Variants in SRPRA observed in about 807,000 individuals in gnomAD.
SRPRA encodes the protein signal recognition particle receptor subunit alpha.
In SRPRA, 30 loss-of-function variants were observed where a neutral mutation model predicts 61.1. That is an observed-to-expected ratio of 0.49 (90% CI 0.37 to 0.67). The LOEUF (loss-of-function observed/expected upper bound fraction) is 0.67, where lower values mean the gene tolerates loss of function less well. Among genes scored for constraint, SRPRA ranks in the 30% least tolerant of loss-of-function variants. The probability of loss-of-function intolerance (pLI) is 0.00; values close to 1 mark genes in which losing one functional copy is unlikely to be tolerated. For synonymous variants in SRPRA, 324 were observed against 299.7 expected, an observed-to-expected ratio of 1.08 and a Z score of -0.84; for missense variants, 759 against 828.4, an observed-to-expected ratio of 0.92 and a Z score of 1.03.
downstream of SRPRA, among the ~76,000 whole-genome samples, chr11:126,260,016 GCTTT>G (rs1431341029): frequency 1.3e-5 from 2 of 152,158 alleles, no homozygotes; most frequent in South Asian, 4.1e-4. Flanking sequence ...CACTGTGCCA[GCTTT>G]ATTTTTATTT....
chr11:126,268,213 G>C, intron 1 of SRPRA, 127 bp from the exon 2 acceptor site: 2 of 743,196 alleles, frequency 2.7e-6, no homozygotes, highest in Non-Finnish European at 4.5e-6. Flanking sequence ...CCCAGGACAA[G>C]AGGATGTTGG....
rs757802716 is a variant in SRPRA, at chr11:126,267,367, A to G, written c.366-32T>C. The G allele has an allele frequency of 6.8e-6, 11 of 1,608,864 alleles. No individual in the cohort carries two copies. In the African/African-American group the frequency reaches 1.1e-4, roughly 16 times the overall value. On this transcript the variant is annotated intron_variant, in intron 3 of 13. Coordinates refer to ENST00000332118, the MANE Select transcript of SRPRA (RefSeq NM_003139.4). The surrounding 1 kb of genome is among the most constrained non-coding windows in gnomAD (Gnocchi z 4.2). ...AAAAAGGAGAATGGTTTATCTTTCT[A>G]CCCCATGCAGAAGGAAAAATAACGG...
rs750397261 is a variant in SRPRA, at chr11:126,264,400, T to C, written c.1665A>G (p.Val555=). 1.2e-6 allele frequency: 2 copies of C among 1,614,194 alleles called. No individual in the cohort carries two copies. The highest frequency in any genetic ancestry group is 2.2e-5 in the South Asian group (2 of 91,076). The change falls in exon 12 of 14, where the codon GTA becomes GTG. Residue 555 remains valine (V), a synonymous_variant. Coordinates refer to ENST00000332118, the MANE Select transcript of SRPRA (RefSeq NM_003139.4). This position sits in a 1 kb window ranked among gnomAD's most constrained non-coding sequence, Gnocchi z 5.0. ...CCAGCTGGTCCACGGCTTCATTGCCTACTAAGGCTTCTCCTACAAACAGCA... is the reference window on the plus strand; with the variant it reads ...CCAGCTGGTCCACGGCTTCATTGCCCACTAAGGCTTCTCCTACAAACAGCA... ...DLVLFVGEAL[V]GNEAVDQLVK...
At chr11:126,255,688 T>C in the SRPRA span, among the ~76,000 whole-genome samples, 1 of 152,056 alleles carries the variant, frequency 6.6e-6, no homozygotes, top group African/African-American at 2.4e-5. The surrounding 1 kb of genome is among the most constrained non-coding windows in gnomAD (Gnocchi z 4.6). Flanking sequence ...TCTAAAAAAG[T>C]ACGCCTGTAA....
In SRPRA at chr11:126,263,794, C is replaced by T; in HGVS notation, c.*122G>A. ...AGTGGGGTTGGAAGGAGCCACAAGC[C>T]CCCTCACTCTGCCTTTGTACTACAC... is the stretch of plus-strand genomic sequence containing the variant. On this transcript the variant is annotated 3_prime_UTR_variant, in exon 14 of 14. Coordinates refer to ENST00000332118, the MANE Select transcript of SRPRA (RefSeq NM_003139.4). The T allele has an allele frequency of 7.3e-7, 1 of 1,377,318 alleles. No homozygotes were observed. The allele number at this position is 1,377,318 out of a possible 1,614,324, so 85.3% of individuals were successfully genotyped here. A position where few individuals can be genotyped will look rare whatever the true frequency, so the allele number is the denominator to read the frequency against.
the SRPRA span, among the ~76,000 whole-genome samples, chr11:126,254,846 G>T: frequency 3.3e-5 from 5 of 152,120 alleles, no homozygotes; most frequent in African/African-American, 9.7e-5. Context: ...AAAGAAACTG[G>T]AAAGTCAGAC....
chr11:126,267,113 C>T lies in SRPRA; in HGVS notation c.526+62G>A. On this transcript the variant is annotated intron_variant, in intron 4 of 13. Transcript: ENST00000332118. The surrounding 1 kb of genome is among the most constrained non-coding windows in gnomAD (Gnocchi z 4.2). ...GCAATGACAAAAGGAAGGACCACCT[C>T]AGTCCTTAGCACCGTGTTAACACCT... is the stretch of plus-strand genomic sequence containing the variant. The T allele has an allele frequency of 6.3e-7, 1 of 1,589,226 alleles. No homozygotes were observed. Among genetic ancestry groups the T allele is most frequent in the Non-Finnish European group, 8.6e-7 (1 of 1,163,332 alleles).
downstream of SRPRA, among the ~76,000 whole-genome samples, chr11:126,259,551 G>A (rs1950640616): frequency 1.3e-5 from 2 of 150,920 alleles, no homozygotes; most frequent in Admixed American, 6.6e-5. Flanking sequence ...TCAGCCTCCT[G>A]AGTGGCTGGA....
chr11:126,262,097 TTC>T (rs1565343522), downstream of SRPRA: 6 of 1,613,924 alleles, frequency 3.7e-6, no homozygotes, highest in South Asian at 4.4e-5. Context: ...CTTCATTTTG[TTC>T]TCTTTTCTTT....
chr11:126,261,466 GCA>G, downstream of SRPRA: 1 of 1,613,666 alleles, frequency 6.2e-7, no homozygotes, highest in Non-Finnish European at 8.5e-7. Flanking sequence ...CTCATCTGCA[GCA>G]CACAGTGAAA....
chr11:126,248,592 G>A, the SRPRA span, among the ~76,000 whole-genome samples: 4 of 151,860 alleles, frequency 2.6e-5, no homozygotes, highest in Non-Finnish European at 4.4e-5. Context: ...GGATGGTCTC[G>A]ATCTCTTGAC....
At chr11:126,257,851 A>G in the SRPRA span, among the ~76,000 whole-genome samples, 3 of 152,184 alleles carry the variant, frequency 2.0e-5, no homozygotes, top group African/African-American at 7.2e-5. Context: ...TCCACATTCT[A>G]ACAATAAAGA....
Position 126,265,874 on chromosome 11 carries a change from T to A in SRPRA, c.1052-51A>T, listed in dbSNP as rs1950800238. The A allele has an allele frequency of 2.5e-6, 4 of 1,612,600 alleles. No individual in the cohort carries two copies. The highest frequency in any genetic ancestry group is 3.4e-6 in the Non-Finnish European group (4 of 1,178,678). On this transcript the variant is annotated intron_variant, in intron 8 of 13. Coordinates refer to ENST00000332118, the MANE Select transcript of SRPRA (RefSeq NM_003139.4). The surrounding 1 kb of genome is among the most constrained non-coding windows in gnomAD (Gnocchi z 6.3). ...AGTTCCATGTCAGCAATGACCAATC[T>A]TTATGGTACAGGTGAGAAACGCTAG...
At chr11:126,255,468 T>C in the SRPRA span, among the ~76,000 whole-genome samples, 1 of 152,180 alleles carries the variant, frequency 6.6e-6, no homozygotes, top group Admixed American at 6.5e-5. This position sits in a 1 kb window ranked among gnomAD's most constrained non-coding sequence, Gnocchi z 4.6. Flanking sequence ...GTCATTTCTG[T>C]GTTTTTGTGT....
chr11:126,254,231 C>T, the SRPRA span: 24 of 1,533,642 alleles, frequency 1.6e-5, no homozygotes, highest in South Asian at 3.0e-4. Flanking sequence ...CTCAAAACAG[C>T]CTCTTGCCCA....
chr11:126,240,965 G>A, the SRPRA span: 1 of 1,614,002 alleles, frequency 6.2e-7, no homozygotes, highest in Non-Finnish European at 8.5e-7. Flanking sequence ...GATGAGGAGA[G>A]CAAAAAGTTT....
At chr11:126,258,639 G>A (rs560101565), downstream of SRPRA, among the ~76,000 whole-genome samples, 95 of 152,308 alleles carry the variant, frequency 6.2e-4, no homozygotes, top group African/African-American at 2.2e-3. Context: ...GTCCTGCAGT[G>A]TTCTAGACTC....
chr11:126,256,060 C>T, the SRPRA span, among the ~76,000 whole-genome samples: 4 of 152,196 alleles, frequency 2.6e-5, no homozygotes, highest in African/African-American at 7.2e-5. The surrounding 1 kb of genome is among the most constrained non-coding windows in gnomAD (Gnocchi z 6.6). Context: ...CACTCGAGGT[C>T]GGGAGTACCA....
chr11:126,240,068 C>A, the SRPRA span, among the ~76,000 whole-genome samples: 1 of 152,050 alleles, frequency 6.6e-6, no homozygotes, highest in Non-Finnish European at 1.5e-5. Context: ...GGGATAGTCT[C>A]CAGAATGAAA....
Sources: gnomAD v4.1 joint callset for allele counts (sites outside exome capture counted in the v4.1 genomes callset) on GRCh38, gnomAD v4.1.1 for gene constraint, Gnocchi (gnomAD v3.1) non-coding constraint, MANE v1.5 for transcripts, NCBI Gene and HGNC (gene_info 2026-07-23, HGNC 2026-07-21) for gene names.